SPECC1L: variants seen among roughly 807,000 people sequenced by gnomAD.
SPECC1L encodes cytospin-A.
SPECC1L carries 40 observed loss-of-function variants against 116.8 expected under a neutral mutation model. That is an observed-to-expected ratio of 0.34 (90% confidence interval 0.27 to 0.45). The LOEUF (loss-of-function observed/expected upper bound fraction) is 0.45, where lower values mean the gene tolerates loss of function less well. SPECC1L is among the 20% of genes least tolerant of loss of function. The probability of loss-of-function intolerance (pLI) is 1.00; values close to 1 mark genes in which losing one functional copy is unlikely to be tolerated. For synonymous variants in SPECC1L, 504 were observed against 500.6 expected, an observed-to-expected ratio of 1.01 and a Z score of -0.09; for missense variants, 1,110 against 1,373.6, an observed-to-expected ratio of 0.81 and a Z score of 3.03.
At chr22:24,384,481 G>A (rs1269158806) in intron 14 of SPECC1L, among the ~76,000 whole-genome samples, 2 of 152,172 alleles carry the variant, frequency 1.3e-5, no homozygotes, top group Non-Finnish European at 2.9e-5. Flanking sequence ...AAAATATCTT[G>A]TTTAAAGATA....
intron 11 of SPECC1L, among the ~76,000 whole-genome samples, chr22:24,351,886 G>A (rs934278225): frequency 2.0e-5 from 3 of 152,094 alleles, no homozygotes; most frequent in African/African-American, 7.2e-5. Context: ...TTAAAAAGAT[G>A]CTGCCTCTTG....
intron 14 of SPECC1L, among the ~76,000 whole-genome samples, chr22:24,409,471 G>T (rs1469167551): frequency 6.6e-6 from 1 of 152,102 alleles, no homozygotes; most frequent in African/African-American, 2.4e-5. Flanking sequence ...CATACCAGCT[G>T]AATTGCAGAA....
chr22:24,375,087 T>C (rs550576709), intron 14 of SPECC1L, among the ~76,000 whole-genome samples: 1 of 152,268 alleles, frequency 6.6e-6, no homozygotes, highest in South Asian at 2.1e-4. Context: ...TTAGATGATA[T>C]GGACAAATTC....
rs779805535 is a variant in SPECC1L at position 24,411,724 on chromosome 22, C to T, written c.3204+20C>T. 1 of 1,583,530 alleles carries T rather than the reference C, an allele frequency of 6.3e-7. No individual in the cohort carries two copies. On this transcript the variant is annotated intron_variant, in intron 15 of 16. Coordinates refer to ENST00000314328, the MANE Select transcript of SPECC1L (RefSeq NM_015330.6). The stretch of plus-strand genomic sequence containing the variant: ...GATAAGGTAGGCCATGGAGGGCCAG[C>T]TCCTGGCACCCACCTCACAGGGTTG...
rs548774440 is a variant in SPECC1L at position 24,357,422 on chromosome 22, CAT to C, written c.2744-5837_2744-5836del. 4.1e-3 allele frequency among the ~76,000 whole-genome samples: 618 copies of C among 152,250 alleles called. 7 individuals are homozygous for C. Among genetic ancestry groups the C allele is most frequent in the African/African-American group, 0.014 (577 of 41,568 alleles). ...TAAAAATATAAAATGATATATTAAT[CAT>C]AGTTATTTTAAATGCTTTATAGATA... On this transcript the variant is annotated intron_variant, in intron 11 of 16. Transcript: ENST00000314328.
At chr22:24,381,186 C>T (rs1406856396) in intron 14 of SPECC1L, among the ~76,000 whole-genome samples, 2 of 152,136 alleles carry the variant, frequency 1.3e-5, no homozygotes, top group African/African-American at 2.4e-5. Context: ...TGTTTTCTTG[C>T]CCTGGAAAAC....
intron 2 of SPECC1L, among the ~76,000 whole-genome samples, chr22:24,277,179 C>T (rs968524539): frequency 1.3e-5 from 2 of 152,192 alleles, no homozygotes; most frequent in African/African-American, 2.4e-5. Flanking sequence ...CTTGCTCCAT[C>T]TCCCAACTCA....
intron 10 of SPECC1L, among the ~76,000 whole-genome samples, chr22:24,340,092 G>T (rs1020678440): frequency 4.1e-5 from 6 of 145,896 alleles, no homozygotes; most frequent in African/African-American, 1.5e-4. Context: ...ACATTATGTC[G>T]TAATTTAAAA....
At chr22:24,336,988 A>G (rs990788228) in intron 9 of SPECC1L, among the ~76,000 whole-genome samples, 2 of 152,200 alleles carry the variant, frequency 1.3e-5, no homozygotes, top group African/African-American at 4.8e-5. Flanking sequence ...AGGCTAATGT[A>G]ATGTTTTGAT....
At chr22:24,345,431 A>G (rs1210696767) in intron 10 of SPECC1L, among the ~76,000 whole-genome samples, 1 of 152,132 alleles carries the variant, frequency 6.6e-6, no homozygotes, top group Non-Finnish European at 1.5e-5. Flanking sequence ...AGCATGAACT[A>G]TAAAAGCAAG....
chr22:24,354,670 C>A (rs1330036482), intron 11 of SPECC1L, among the ~76,000 whole-genome samples: 1 of 139,892 alleles, frequency 7.1e-6, no homozygotes. Flanking sequence ...TCTGGTTACT[C>A]TTTTTTTTTT....
rs756714389 is a variant in SPECC1L, at chr22:24,288,615, C to CTTTTTTTT, written c.-38+11834_-38+11841dup. On this transcript the variant is annotated intron_variant, in intron 2 of 16. Transcript: ENST00000314328. ...GACTTCTCAAATCCAAAATTTTAAG[C>CTTTTTTTT]TTTTTTTTTTTTTTTTTTTTTTTTT... Among the ~76,000 whole-genome samples the CTTTTTTTT allele has an allele frequency of 4.5e-4, 28 of 61,678 alleles. 5 individuals are homozygous for CTTTTTTTT. Among genetic ancestry groups the CTTTTTTTT allele is most frequent in the Admixed American group, 6.5e-4 (3 of 4,644 alleles). 40.5% of individuals were successfully genotyped at this position (61,678 alleles called of 152,430 possible). A position where few individuals can be genotyped will look rare whatever the true frequency, so the allele number is the denominator to read the frequency against.
Position 24,321,580 on chromosome 22 carries a change from A to T in SPECC1L, c.600A>T (p.Leu200Phe), listed in dbSNP as rs56112030. 0.01 allele frequency: 16,840 copies of T among 1,614,244 alleles called. 142 individuals are homozygous for T. The highest frequency in any genetic ancestry group is 0.023 in the South Asian group (2,067 of 91,092). ...TLAKTKDVEI[L>F]HLRNELRDMR... The stretch of plus-strand genomic sequence containing the variant: ...CAAAAACCAAAGACGTAGAAATTTT[A>T]CATTTGAGAAATGAACTGCGAGACA... The change falls in exon 5 of 17, where the codon TTA (leucine) becomes TTT (phenylalanine). Residue 200 changes from leucine (L) to phenylalanine (F), a missense_variant. By Grantham distance (22) the Leu-to-Phe change is conservative. This residue lies in a region of SPECC1L where 437 missense variants were observed against 482.6 expected (regional missense o/e 0.91). Transcript: ENST00000314328.
intron 14 of SPECC1L, among the ~76,000 whole-genome samples, chr22:24,387,929 C>T (rs186603651): frequency 6.6e-6 from 1 of 152,174 alleles, no homozygotes; most frequent in East Asian, 1.9e-4. Context: ...GGCTTGTAGC[C>T]CCTTCCTCCA....
intron 14 of SPECC1L, among the ~76,000 whole-genome samples, chr22:24,398,361 C>T (rs1035203819): frequency 2.6e-5 from 4 of 152,172 alleles, no homozygotes; most frequent in African/African-American, 9.7e-5. Flanking sequence ...AAGTTAAAAA[C>T]GATGTGCCCA....
intron 4 of SPECC1L, among the ~76,000 whole-genome samples, chr22:24,318,284 C>T (rs148992594): frequency 1.1e-4 from 16 of 152,348 alleles, no homozygotes; most frequent in African/African-American, 3.8e-4. Flanking sequence ...CTCGGGAGGC[C>T]GAGGCTGGCA....
Position 24,347,493 on chromosome 22 carries a change from GA to G in SPECC1L, c.2743+319del, listed in dbSNP as rs1315818074. ...ATAGATACCAAAAATGAGGCTTAAA[GA>G]AGTTAACTAATTCAATTCAGGTTAA... On this transcript the variant is annotated intron_variant, in intron 11 of 16. Transcript: ENST00000314328. 3.9e-5 allele frequency among the ~76,000 whole-genome samples: 6 copies of G among 152,248 alleles called. No homozygotes were observed. In the East Asian group the frequency reaches 9.6e-4, roughly 24 times the overall value.
chr22:24,382,798 A>AT (rs1464527429), intron 14 of SPECC1L, among the ~76,000 whole-genome samples: 10 of 150,622 alleles, frequency 6.6e-5, no homozygotes, highest in African/African-American at 2.4e-4. Context: ...AGGCAGGAGG[A>AT]TTGCTTGAGC....
intron 1 of SPECC1L, among the ~76,000 whole-genome samples, chr22:24,273,740 T>G (rs1438390144): frequency 6.6e-6 from 1 of 152,172 alleles, no homozygotes; most frequent in East Asian, 1.9e-4. Flanking sequence ...TTCTGATCAT[T>G]GTTAAATAGA....
Sources: allele counts gnomAD v4.1 joint callset (sites outside exome capture counted in the v4.1 genomes callset), GRCh38; gene constraint gnomAD v4.1.1; regional missense constraint gnomAD v4.1.1; transcripts MANE v1.5; gene names NCBI Gene and HGNC (gene_info 2026-07-23, HGNC 2026-07-21).